Variants in CRB2 observed in about 807,000 individuals in gnomAD.
CRB2 encodes the protein crumbs cell polarity complex component 2, also known as protein crumbs homolog 2.
Under a neutral mutation model 110.9 loss-of-function variants are expected in CRB2, and 85 were observed. The ratio of observed to expected loss-of-function variants is 0.77; its 90% CI spans 0.64 to 0.92. The LOEUF (loss-of-function observed/expected upper bound fraction) is 0.92, where lower values mean the gene tolerates loss of function less well. CRB2 is among the 40% of genes least tolerant of loss of function. The pLI, the probability that CRB2 is intolerant of heterozygous loss-of-function variation, is 0.00. For missense variants in CRB2, 1,843 were observed against 1,851.3 expected, an observed-to-expected ratio of 1.00 and a Z score of 0.08; for synonymous variants, 907 against 831.0, an observed-to-expected ratio of 1.09 and a Z score of -1.57.
rs202133148 is a variant in CRB2, at chr9:123,373,564, C to A, written c.3033C>A (p.Thr1011=). 6.8e-7 allele frequency: 1 copy of A among 1,471,400 alleles called. No individual in the cohort carries two copies. Among genetic ancestry groups the A allele is most frequent in the Non-Finnish European group, 9.0e-7 (1 of 1,114,742 alleles). 91.1% of individuals were successfully genotyped at this position (1,471,400 alleles called of 1,614,324 possible). Residue 1011 remains threonine (T), a synonymous_variant, in exon 10 of 13, where the codon ACC becomes ACA. Coordinates refer to ENST00000373631, the MANE Select transcript of CRB2 (RefSeq NM_173689.7). ...AVRILLAENF[T]GCLGRVALGG... ...GCATCCTGCTGGCTGAGAACTTCAC[C>A]GGCTGCTTGGGCCGCGTGGCGCTGG...
chr9:123,367,504 G>A (rs1436926549), intron 5 of CRB2, 69 bp from the exon 6 acceptor site: 7 of 1,373,464 alleles, frequency 5.1e-6, no homozygotes, highest in Admixed American at 2.1e-5. Flanking sequence ...TCTAGCTATA[G>A]AATGGACCCT....
rs1473416084 is a variant in CRB2 at position 123,375,956 on chromosome 9, G to GA, written c.3633+614dup. Among the ~76,000 whole-genome samples the GA allele has an allele frequency of 1.8e-4, 27 of 152,176 alleles. No individual in the cohort carries two copies. The East Asian group carries it at 5.0e-3, about 28-fold the overall frequency. ...GAGAGGCTTGGAAGGGAAGTCTGGG[G>GA]AGCAGCCTTGATCTCTACAGGCTTC... On this transcript the variant is annotated intron_variant, in intron 12 of 12. Transcript: ENST00000373631.
In CRB2 at chr9:123,373,646, G is replaced by C. The variant is rs993160302; in HGVS notation, c.3115G>C (p.Glu1039Gln). Residue 1039 changes from glutamate to glutamine, a missense_variant, in exon 10 of 13, where the codon GAG becomes CAG. By Grantham distance (29) the Glu-to-Gln change is conservative. Transcript: ENST00000373631. ...PRPGAAPGAR[E>Q]HFASWPGTPA... Reference sequence around the variant, plus strand: ...GCCCGGCGCGGCCCCTGGCGCCCGAGAGCACTTCGCGTCTTGGCCTGGGAC... The same window carrying C: ...GCCCGGCGCGGCCCCTGGCGCCCGACAGCACTTCGCGTCTTGGCCTGGGAC... The C allele has an allele frequency of 8.0e-5, 113 of 1,406,656 alleles. No individual in the cohort carries two copies. Among genetic ancestry groups the C allele is most frequent in the Middle Eastern group, 1.8e-4 (1 of 5,498 alleles). 87.1% of individuals were successfully genotyped at this position (1,406,656 alleles called of 1,614,324 possible).
downstream of CRB2, among the ~76,000 whole-genome samples, chr9:123,378,981 G>T (rs2042156863): frequency 6.6e-6 from 1 of 151,576 alleles, no homozygotes; most frequent in South Asian, 2.1e-4. Context: ...TAGAGACGGG[G>T]CTTCACCATC....
chr9:123,374,241 T>A (rs1260345144), intron 10 of CRB2: 5 of 592,854 alleles, frequency 8.4e-6, no homozygotes, highest in Non-Finnish European at 1.5e-5. Flanking sequence ...CCCTTATTCA[T>A]CTGGCAGTGG....
chr9:123,363,594 C>G (rs1261048673), intron 2 of CRB2, among the ~76,000 whole-genome samples: 4 of 152,092 alleles, frequency 2.6e-5, no homozygotes, highest in Admixed American at 2.6e-4. Flanking sequence ...GTCTACACGA[C>G]AGTCACCATC....
Position 123,370,936 on chromosome 9 carries a change from G to A in CRB2, c.1883G>A (p.Arg628His), listed in dbSNP as rs765111298. ...GSCVDLWTHF[R>H]CDCARPHRGP... ...TGTGTGGATCTGTGGACTCATTTCC[G>A]TTGCGACTGTGCCCGGCCCCATAGA... Residue 628 changes from arginine to histidine, a missense_variant, in exon 7 of 13, where the codon CGT becomes CAT. Arg to His is a conservative substitution (Grantham distance 29). Transcript: ENST00000373631. The A allele has an allele frequency of 4.6e-5, 74 of 1,608,936 alleles. No individual in the cohort carries two copies. The highest frequency in any genetic ancestry group is 3.3e-4 in the Middle Eastern group (2 of 6,056).
downstream of CRB2, among the ~76,000 whole-genome samples, chr9:123,379,219 C>T (rs2042163297): frequency 6.6e-6 from 1 of 152,058 alleles, no homozygotes; most frequent in African/African-American, 2.4e-5. Flanking sequence ...TCCACGCTCA[C>T]TATGGGGTGG....
intron 2 of CRB2, among the ~76,000 whole-genome samples, 186 bp from the exon 3 acceptor site, chr9:123,365,731 C>T (rs1358142852): frequency 6.6e-6 from 1 of 152,200 alleles, no homozygotes; most frequent in Non-Finnish European, 1.5e-5. Context: ...GCAGGGCTGT[C>T]TGTCTCGTTT....
chr9:123,367,739 G>A, intron 6 of CRB2, 53 bp downstream of exon 6: 2 of 1,203,014 alleles, frequency 1.7e-6, no homozygotes, highest in Non-Finnish European at 2.4e-6. Flanking sequence ...GTCCTCAGGT[G>A]AGAAGGTCCC....
chr9:123,377,068 C>A lies in CRB2; in HGVS notation c.*6C>A, dbSNP rs199515137. 5 of 1,539,264 alleles carry A rather than the reference C, an allele frequency of 3.2e-6. No individual in the cohort carries two copies. Among genetic ancestry groups the A allele is most frequent in the Non-Finnish European group, 3.5e-6 (4 of 1,142,650 alleles). On this transcript the variant is annotated 3_prime_UTR_variant, in exon 13 of 13. Coordinates refer to ENST00000373631, the MANE Select transcript of CRB2 (RefSeq NM_173689.7). ...CGGAGGAGAGACTCATCTAGGCCAG[C>A]CTGGCTGCTGGCACCAGCACCTGGA... is the stretch of plus-strand genomic sequence containing the variant.
In CRB2 at chr9:123,373,479, C is replaced by T. The variant is rs1293760514; in HGVS notation, c.2948C>T (p.Pro983Leu). The change falls in exon 10 of 13, where the codon CCG becomes CTG. Residue 983 changes from proline (P) to leucine (L), a missense_variant. By Grantham distance (98) the Pro-to-Leu change is moderately conservative. Coordinates refer to ENST00000373631, the MANE Select transcript of CRB2 (RefSeq NM_173689.7). ...CTGTGGCTGGATGGTGCCGCCACCCCGGTGGCGCTGCGCGGCCTGGCCAGT... is the reference window on the plus strand; with the variant it reads ...CTGTGGCTGGATGGTGCCGCCACCCTGGTGGCGCTGCGCGGCCTGGCCAGT... ...WLLWLDGAAT[P>L]VALRGLASDL... is the part of the protein sequence containing the mutation. The T allele has an allele frequency of 3.4e-6, 5 of 1,451,500 alleles. No homozygotes were observed. In the South Asian group the frequency reaches 4.1e-5, roughly 12 times the overall value. The allele number at this position is 1,451,500 out of a possible 1,614,324, so 89.9% of individuals were successfully genotyped here. A position where few individuals can be genotyped will look rare whatever the true frequency, so the allele number is the denominator to read the frequency against.
In CRB2 at chr9:123,375,307, C is replaced by T; in HGVS notation, c.3597C>T (p.Cys1199=). 6.2e-7 allele frequency: 1 copy of T among 1,609,440 alleles called. No individual in the cohort carries two copies. Among genetic ancestry groups the T allele is most frequent in the Non-Finnish European group, 8.5e-7 (1 of 1,177,580 alleles). Residue 1199 remains cysteine, a synonymous_variant, in exon 12 of 13, where the codon TGC becomes TGT. Transcript: ENST00000373631. ...CTGGAGGGGTGTCTGAATGTATCTGCAATGCCAGATTCTCCGGCCAGTTCT... is the reference window on the plus strand; with the variant it reads ...CTGGAGGGGTGTCTGAATGTATCTGTAATGCCAGATTCTCCGGCCAGTTCT... The part of the protein sequence containing the change: ...RAAGGVSECI[C]NARFSGQFCE...
Position 123,363,106 on chromosome 9 carries a change from T to A in CRB2, c.336T>A (p.Cys112Ter), listed in dbSNP as rs1189063204. ...GCTGCGAGCTGGACATCGATGAGTGTGCATCCCGGCCGTGCCACCATGGGG... is the reference window on the plus strand; with the variant it reads ...GCTGCGAGCTGGACATCGATGAGTGAGCATCCCGGCCGTGCCACCATGGGG... ...GPRCELDIDE[C>*]ASRPCHHGAT... The change falls in exon 2 of 13, where the codon TGT becomes TGA. Residue 112 changes from cysteine to a stop codon, truncating the protein, a stop_gained. Coordinates refer to ENST00000373631, the MANE Select transcript of CRB2 (RefSeq NM_173689.7). LOFTEE classifies it high-confidence loss of function. The A allele has an allele frequency of 1.9e-6, 3 of 1,611,346 alleles. No homozygotes were observed. The highest frequency in any genetic ancestry group is 2.5e-6 in the Non-Finnish European group (3 of 1,179,912).
rs569639233 is a variant in CRB2, at chr9:123,374,508, C to T, written c.3390-71C>T. 1.7e-5 allele frequency: 19 copies of T among 1,117,830 alleles called. No individual in the cohort carries two copies. In the African/African-American group the frequency reaches 2.4e-4, roughly 14 times the overall value. 69.2% of individuals were successfully genotyped at this position (1,117,830 alleles called of 1,614,324 possible). On this transcript the variant is annotated intron_variant, in intron 10 of 12. Transcript: ENST00000373631. ...CATGAGAACACAAGCTCAGGTGGCC[C>T]ACGGTCACAGCGCTGGGGAGGGCAG...
intron 1 of CRB2, among the ~76,000 whole-genome samples, chr9:123,358,909 G>A (rs1423959318): frequency 6.6e-6 from 1 of 152,194 alleles, no homozygotes; most frequent in Non-Finnish European, 1.5e-5. Flanking sequence ...AATTTTAGAT[G>A]GAAGCCCATG....
chr9:123,372,269 C>A lies in CRB2; in HGVS notation c.2529C>A (p.Ala843=). Residue 843 remains alanine (A), a synonymous_variant, in exon 9 of 13, where the codon GCC becomes GCA. Coordinates refer to ENST00000373631, the MANE Select transcript of CRB2 (RefSeq NM_173689.7). Reference sequence around the variant, plus strand: ...CCAATTTCACGGGGCCTACGTGTGCCCAGCAGCTGTGGTGTCCCGGCCAGC... The same window carrying A: ...CCAATTTCACGGGGCCTACGTGTGCACAGCAGCTGTGGTGTCCCGGCCAGC... ...CPANFTGPTC[A]QQLWCPGQPC... The A allele has an allele frequency of 1.2e-6, 2 of 1,613,756 alleles. No individual in the cohort carries two copies. The highest frequency in any genetic ancestry group is 1.7e-6 in the Non-Finnish European group (2 of 1,179,824).
Position 123,370,592 on chromosome 9 carries a change from C to A in CRB2, c.1539C>A (p.Ala513=), listed in dbSNP as rs757677524. Residue 513 remains alanine (A), a synonymous_variant, in exon 7 of 13, where the codon GCC becomes GCA. Coordinates refer to ENST00000373631, the MANE Select transcript of CRB2 (RefSeq NM_173689.7). Reference sequence around the variant, plus strand: ...TTGTCCTGAGACTGCCGGACCTGGCCCTAAACGATGGCCATTGGCACCAGG... The same window carrying A: ...TTGTCCTGAGACTGCCGGACCTGGCACTAAACGATGGCCATTGGCACCAGG... ...TVLVLRLPDL[A]LNDGHWHQVE... 6.2e-7 allele frequency: 1 copy of A among 1,613,072 alleles called. No homozygotes were observed. The highest frequency in any genetic ancestry group is 1.3e-5 in the African/African-American group (1 of 75,060).
chr9:123,377,000 G>C lies in CRB2; in HGVS notation c.3796G>C (p.Ala1266Pro), dbSNP rs1475485567. The part of the protein sequence containing the change: ...GTYSPSQQEV[A>P]GARLEMDSVL... ...CTACAGCCCAAGCCAGCAGGAGGTG[G>C]CTGGGGCCCGGCTGGAGATGGACAG... The change falls in exon 13 of 13, where the codon GCT becomes CCT. Residue 1266 changes from alanine (A) to proline (P), a missense_variant. Ala to Pro is a conservative substitution (Grantham distance 27). Transcript: ENST00000373631. 2 of 1,609,206 alleles carry C rather than the reference G, an allele frequency of 1.2e-6. No homozygotes were observed. The highest frequency in any genetic ancestry group is 3.4e-5 in the Admixed American group (2 of 59,522).
Sources: gnomAD v4.1 joint callset for allele counts (sites outside exome capture counted in the v4.1 genomes callset) on GRCh38, gnomAD v4.1.1 for gene constraint, MANE v1.5 for transcripts, NCBI Gene and HGNC (gene_info 2026-07-23, HGNC 2026-07-21) for gene names.